PKHD1: variants seen among roughly 807,000 people sequenced by gnomAD.
PKHD1 encodes the protein PKHD1 ciliary IPT domain containing fibrocystin/polyductin.
A neutral mutation model predicts 412.0 loss-of-function variants in PKHD1; 291 were observed. That is an observed-to-expected ratio of 0.71 (90% confidence interval 0.64 to 0.78). The LOEUF is 0.78. Ranked by LOEUF, PKHD1 falls within the 30% of genes least tolerant of loss-of-function variation. PKHD1 has a pLI of 0.00. For synonymous variants in PKHD1, 1,777 were observed against 1,821.5 expected (o/e 0.98, Z 0.62); for missense variants, 4,825 against 4,950.7 (o/e 0.97, Z 0.76).
chr6:51,940,717 C>T (rs1314719393), intron 36 of PKHD1, among the ~76,000 whole-genome samples: 1 of 151,640 alleles, frequency 6.6e-6, no homozygotes, highest in South Asian at 2.1e-4. Flanking sequence ...GGGTAACTCT[C>T]ACAGTGGAAG....
chr6:51,827,881 C>T (rs1228636872), intron 52 of PKHD1, among the ~76,000 whole-genome samples: 1 of 151,962 alleles, frequency 6.6e-6, no homozygotes, highest in Non-Finnish European at 1.5e-5. Flanking sequence ...CATCTGCTAC[C>T]AGATGCAAAG....
chr6:51,678,901 G>A (rs1199706789), intron 60 of PKHD1, among the ~76,000 whole-genome samples: 3 of 151,972 alleles, frequency 2.0e-5, no homozygotes, highest in Admixed American at 6.6e-5. Flanking sequence ...GTTAAACACA[G>A]GAGCAGCCAA....
At chr6:51,975,640 A>AAG (rs67698555) in intron 35 of PKHD1, 1 of 149,368 alleles carries the variant, frequency 6.7e-6, no homozygotes, top group African/African-American at 2.4e-5. Context: ...AAAAAAAAAA[A>AAG]ACAAAAAGAA....
At chr6:51,774,268 A>C (rs745480080) in intron 54 of PKHD1, among the ~76,000 whole-genome samples, 1 of 152,050 alleles carries the variant, frequency 6.6e-6, no homozygotes, top group Non-Finnish European at 1.5e-5. Flanking sequence ...TTTGTCATCT[A>C]CTTATGATAC....
intron 60 of PKHD1, among the ~76,000 whole-genome samples, chr6:51,694,300 C>T (rs1043755623): frequency 6.6e-6 from 1 of 152,052 alleles, no homozygotes; most frequent in Admixed American, 6.6e-5. Flanking sequence ...GCCACACCTC[C>T]ACCACACCAG....
At chr6:51,847,260 A>AT (rs981973021) in intron 50 of PKHD1, among the ~76,000 whole-genome samples, 6,989 of 99,796 alleles carry the variant, frequency 0.07, 429 homozygotes, top group African/African-American at 0.17. Flanking sequence ...CATGCCCAGC[A>AT]TTTTTTTTTT....
intron 3 of PKHD1, 81 bp downstream of exon 3, chr6:52,083,097 G>T: frequency 1.0e-6 from 1 of 984,760 alleles, no homozygotes; most frequent in Non-Finnish European, 1.6e-6. Context: ...CCTTAGAAAA[G>T]GAAGAAAACC....
At chr6:51,739,728 C>T (rs1029260822) in intron 60 of PKHD1, among the ~76,000 whole-genome samples, 4 of 152,178 alleles carry the variant, frequency 2.6e-5, no homozygotes, top group Admixed American at 6.5e-5. Context: ...CCAATTTCAG[C>T]GTGTAGCATA....
At position 52,070,734 on chromosome 6, in the gene PKHD1, C is replaced by T. The variant is rs376548596; in HGVS notation, c.667+272G>A. Reference sequence around the variant, plus strand: ...CCCAGGCTTCGAGTTAGATGGAGCACCATTTAAATATTGATTTACTGGTAA... The same window carrying T: ...CCCAGGCTTCGAGTTAGATGGAGCATCATTTAAATATTGATTTACTGGTAA... On this transcript the variant is annotated intron_variant, in intron 9 of 66. Transcript: ENST00000371117. Among the ~76,000 whole-genome samples the T allele has an allele frequency of 5.9e-5, 9 of 152,208 alleles. 1 individual carries two copies. In the East Asian group the frequency reaches 1.2e-3, roughly 20 times the overall value.
Position 52,028,230 on chromosome 6 carries a change from C to T in PKHD1, c.3486G>A (p.Val1162=). ...VHTQSAWGLE[V]ALPPLPAGLH... is the part of the protein sequence containing the mutation. ...GACCAGCTGGCAGTGGGGGCAGTGC[C>T]ACCTCCAGGCCCCAAGCCGACTGTG... is the stretch of plus-strand genomic sequence containing the variant. Residue 1162 remains valine (V), a synonymous_variant, in exon 30 of 67, where the codon GTG becomes GTA. Transcript: ENST00000371117. 5 of 1,614,184 alleles carry T rather than the reference C, an allele frequency of 3.1e-6. No individual in the cohort carries two copies. Among genetic ancestry groups the T allele is most frequent in the Non-Finnish European group, 4.2e-6 (5 of 1,180,020 alleles).
intron 60 of PKHD1, among the ~76,000 whole-genome samples, chr6:51,731,966 G>A (rs147394305): frequency 4.6e-5 from 7 of 152,092 alleles, no homozygotes; most frequent in Non-Finnish European, 1.0e-4. Context: ...ATAAAATATA[G>A]GCAAAGATCA....
chr6:52,070,356 G>C, intron 10 of PKHD1, 50 bp downstream of exon 10: 1 of 1,056,578 alleles, frequency 9.5e-7, no homozygotes, highest in Non-Finnish European at 1.5e-6. Context: ...AGAGAGATAG[G>C]TAATATAAAA....
rs191602290 is a variant in PKHD1, at chr6:51,895,146, A to C, written c.6997-7901T>G. On this transcript the variant is annotated intron_variant, in intron 43 of 66. Coordinates refer to ENST00000371117, the MANE Select transcript of PKHD1 (RefSeq NM_138694.4). ...CTTCAAAGTACTCTGTATATCATCC[A>C]TACAGGACACAATTAACACTAACTC... Among the ~76,000 whole-genome samples the C allele has an allele frequency of 2.2e-4, 33 of 152,332 alleles. 2 individuals are homozygous for C. The East Asian group carries it at 2.5e-3, about 12-fold the overall frequency.
chr6:51,855,376 G>T (rs1344823556), intron 49 of PKHD1, among the ~76,000 whole-genome samples: 1 of 152,168 alleles, frequency 6.6e-6, no homozygotes, highest in African/African-American at 2.4e-5. Flanking sequence ...TTGCCACACG[G>T]CCATTTCTAT....
intron 35 of PKHD1, among the ~76,000 whole-genome samples, chr6:52,006,807 T>G (rs1195791843): frequency 6.6e-6 from 1 of 152,220 alleles, no homozygotes; most frequent in Non-Finnish European, 1.5e-5. Context: ...CAGTATACAC[T>G]GAACCCAATT....
intron 32 of PKHD1, among the ~76,000 whole-genome samples, chr6:52,023,301 GTA>G (rs1465092234): frequency 6.6e-6 from 1 of 152,086 alleles, no homozygotes; most frequent in Admixed American, 6.6e-5. Flanking sequence ...AGGTACCCAG[GTA>G]TAGAGTTTCT....
intron 39 of PKHD1, 77 bp from the exon 40 acceptor site, chr6:51,909,551 T>C (rs1782649571): frequency 1.8e-6 from 2 of 1,101,536 alleles, no homozygotes; most frequent in African/African-American, 1.5e-5. Context: ...GTTTGAAAGG[T>C]ACTGTCAGCA....
chr6:51,807,770 A>G (rs1394354701), intron 52 of PKHD1, among the ~76,000 whole-genome samples: 1 of 152,080 alleles, frequency 6.6e-6, no homozygotes, highest in African/African-American at 2.4e-5. Context: ...AATAGAGACT[A>G]GTTCTATATT....
intron 5 of PKHD1, among the ~76,000 whole-genome samples, chr6:52,078,614 A>G (rs183583906): frequency 3.3e-5 from 5 of 152,206 alleles, no homozygotes; most frequent in Admixed American, 2.0e-4. Context: ...TTTTTCATCA[A>G]CTTGCCAAGA....
Sources: gnomAD v4.1 joint callset for allele counts (sites outside exome capture counted in the v4.1 genomes callset) on GRCh38, gnomAD v4.1.1 for gene constraint, MANE v1.5 for transcripts, NCBI Gene and HGNC (gene_info 2026-07-23, HGNC 2026-07-21) for gene names.